KCNIP1: variants seen among roughly 807,000 people sequenced by gnomAD.
The protein encoded by KCNIP1 is potassium voltage-gated channel interacting protein 1.
KCNIP1 carries 18 observed loss-of-function variants against 33.0 expected under a neutral mutation model. That is an observed-to-expected ratio of 0.55 (90% CI 0.38 to 0.81). The LOEUF is 0.81. Among genes scored for constraint, KCNIP1 ranks in the 30% least tolerant of loss-of-function variants. The pLI, the probability that KCNIP1 is intolerant of heterozygous loss-of-function variation, is 0.00. For synonymous variants in KCNIP1, 93 were observed against 98.3 expected, an observed-to-expected ratio of 0.95 and a Z score of 0.32; for missense variants, 238 against 271.6, an observed-to-expected ratio of 0.88 and a Z score of 0.87.
At chr5:170,503,948 A>G, upstream of KCNIP1, 14 of 315,666 alleles carry the variant, frequency 4.4e-5, no homozygotes, top group South Asian at 2.6e-4. Flanking sequence ...CCCACCGTGC[A>G]GCCCTCGCCC....
intron 1 of KCNIP1, among the ~76,000 whole-genome samples, chr5:170,433,689 CA>C (rs1265445894): frequency 6.6e-6 from 1 of 152,204 alleles, no homozygotes; most frequent in African/African-American, 2.4e-5. Context: ...ATTTGGTAGC[CA>C]AGTCCAATGT....
At chr5:170,642,434 A>T (rs539232389) in intron 1 of KCNIP1, among the ~76,000 whole-genome samples, 1 of 152,318 alleles carries the variant, frequency 6.6e-6, no homozygotes, top group African/African-American at 2.4e-5. Context: ...GTGGAAGCCG[A>T]TGGACTGGGC....
At chr5:170,465,923 C>A (rs1384012761) in intron 1 of KCNIP1, among the ~76,000 whole-genome samples, 1 of 152,118 alleles carries the variant, frequency 6.6e-6, no homozygotes, top group Non-Finnish European at 1.5e-5. Flanking sequence ...GCAGGAGAAT[C>A]CAACAGGGGG....
At chr5:170,415,483 T>G (rs1323844018) in intron 1 of KCNIP1, among the ~76,000 whole-genome samples, 1 of 152,068 alleles carries the variant, frequency 6.6e-6, no homozygotes, top group East Asian at 1.9e-4. Context: ...TAAAAATGTC[T>G]CAAGACACAC....
intron 1 of KCNIP1, among the ~76,000 whole-genome samples, chr5:170,362,342 T>C (rs915456250): frequency 6.6e-6 from 1 of 152,108 alleles, no homozygotes; most frequent in Non-Finnish European, 1.5e-5. Context: ...GAAAATCAGA[T>C]CCAGGGTAAG....
chr5:170,715,627 C>T (rs1183024953), intron 1 of KCNIP1, among the ~76,000 whole-genome samples: 1 of 152,164 alleles, frequency 6.6e-6, no homozygotes, highest in African/African-American at 2.4e-5. Flanking sequence ...GGGCAATGGT[C>T]CCCTCACTCC....
At chr5:170,732,939 C>A in intron 6 of KCNIP1, 35 bp downstream of exon 6, 1 of 1,346,398 alleles carries the variant, frequency 7.4e-7, no homozygotes, top group Non-Finnish European at 1.1e-6. Context: ...AGCTGTAAGC[C>A]CAGCCTAGAT....
At chr5:170,669,669 G>C (rs2339095) in intron 1 of KCNIP1, 411,628 of 983,434 alleles carry the variant, frequency 0.42, 87,385 homozygotes, top group East Asian at 0.55. Context: ...GGGTATGAAG[G>C]TTTGGCTTTA....
chr5:170,541,697 A>T (rs540413439), intron 1 of KCNIP1, among the ~76,000 whole-genome samples: 5 of 148,810 alleles, frequency 3.4e-5, no homozygotes, highest in Non-Finnish European at 7.5e-5. Context: ...AGCCATAATG[A>T]TAAAGTAATG....
At chr5:170,668,882 A>G (rs910830276) in intron 1 of KCNIP1, among the ~76,000 whole-genome samples, 1 of 152,158 alleles carries the variant, frequency 6.6e-6, no homozygotes, top group Non-Finnish European at 1.5e-5. Context: ...GGTTGCCACA[A>G]TCTCTGAAAG....
Position 170,504,734 on chromosome 5 carries a change from C to T in KCNIP1, c.61+101C>T. On this transcript the variant is annotated intron_variant, in intron 1 of 7. Transcript: ENST00000328939. This position sits in a 1 kb window ranked among gnomAD's most constrained non-coding sequence, Gnocchi z 6.0. ...CCTCCCTTAGTCCGGACTCTCCTCT[C>T]CACGAGGAGCCCGGACAGGTGCTTG... 2 of 953,742 alleles carry T rather than the reference C, an allele frequency of 2.1e-6. No individual in the cohort carries two copies. Among genetic ancestry groups the T allele is most frequent in the South Asian group, 1.3e-5 (1 of 75,520 alleles). The allele number at this position is 953,742 out of a possible 1,614,324, so 59.1% of individuals were successfully genotyped here. A position where few individuals can be genotyped will look rare whatever the true frequency, so the allele number is the denominator to read the frequency against.
At chr5:170,538,475 C>A (rs1756078494) in intron 1 of KCNIP1, among the ~76,000 whole-genome samples, 2 of 152,090 alleles carry the variant, frequency 1.3e-5, no homozygotes, top group Admixed American at 1.3e-4. Context: ...CTTCTCATCA[C>A]ACCAGGCTTG....
chr5:170,693,167 C>A (rs1762777268), intron 1 of KCNIP1, among the ~76,000 whole-genome samples: 1 of 152,218 alleles, frequency 6.6e-6, no homozygotes, highest in Non-Finnish European at 1.5e-5. Context: ...GGTCTCCCAT[C>A]CCACTCCCTC....
chr5:170,537,091 G>A (rs989796839), intron 1 of KCNIP1, among the ~76,000 whole-genome samples: 3 of 152,150 alleles, frequency 2.0e-5, no homozygotes, highest in Non-Finnish European at 4.4e-5. Flanking sequence ...TTGTGCCACA[G>A]GCCACCTCAC....
intron 1 of KCNIP1, among the ~76,000 whole-genome samples, chr5:170,532,922 A>G (rs1755833909): frequency 6.6e-6 from 1 of 152,158 alleles, no homozygotes; most frequent in Non-Finnish European, 1.5e-5. Context: ...GGAGGGAATA[A>G]TGAGGTGGAG....
intron 1 of KCNIP1, among the ~76,000 whole-genome samples, chr5:170,450,741 C>T (rs1161158865): frequency 6.6e-6 from 1 of 152,210 alleles, no homozygotes; most frequent in Non-Finnish European, 1.5e-5. Flanking sequence ...TGGCCAACTT[C>T]TATCGGTTTT....
intron 1 of KCNIP1, among the ~76,000 whole-genome samples, chr5:170,633,529 C>T (rs1272689420): frequency 6.7e-6 from 1 of 149,346 alleles, no homozygotes; most frequent in East Asian, 2.0e-4. Flanking sequence ...GCAAAAGAAA[C>T]GCAGAGGCTT....
intron 1 of KCNIP1, among the ~76,000 whole-genome samples, chr5:170,622,369 C>G (rs1015026230): frequency 6.6e-6 from 1 of 152,110 alleles, no homozygotes; most frequent in African/African-American, 2.4e-5. Context: ...CGCCTGTAAT[C>G]CCAGCACTTT....
chr5:170,372,728 T>G (rs969593299), intron 1 of KCNIP1, among the ~76,000 whole-genome samples: 2 of 152,118 alleles, frequency 1.3e-5, no homozygotes, highest in Non-Finnish European at 2.9e-5. Flanking sequence ...GGAGAACAAG[T>G]GTTTGTATTT....
Sources: gnomAD v4.1 joint callset for allele counts (sites outside exome capture counted in the v4.1 genomes callset) on GRCh38, gnomAD v4.1.1 for gene constraint, Gnocchi (gnomAD v3.1) non-coding constraint, MANE v1.5 for transcripts, NCBI Gene and HGNC (gene_info 2026-07-23, HGNC 2026-07-21) for gene names.